The following SYT1 variants were observed in gnomAD, a reference collection of about 807,000 sequenced individuals.
The protein encoded by SYT1 is synaptotagmin 1, also known as synaptotagmin-1.
In SYT1, 8 loss-of-function variants were observed where a neutral mutation model predicts 44.8. The observed-to-expected ratio is 0.18, with a 90% CI of 0.10 to 0.32. SYT1 has a LOEUF of 0.32. Ranked by LOEUF, SYT1 falls within the 10% of genes least tolerant of loss-of-function variation. The pLI, the probability that SYT1 is intolerant of heterozygous loss-of-function variation, is 1.00. For missense variants in SYT1, 286 were observed against 509.3 expected, an observed-to-expected ratio of 0.56 and a Z score of 4.22; for synonymous variants, 154 against 188.8, an observed-to-expected ratio of 0.82 and a Z score of 1.51.
At chr12:79,282,374 G>A (rs1397949500) in intron 4 of SYT1, among the ~76,000 whole-genome samples, 1 of 152,292 alleles carries the variant, frequency 6.6e-6, no homozygotes, top group East Asian at 1.9e-4. Context: ...GATAATATAT[G>A]TGAGATTGAT....
At chr12:79,152,476 G>C (rs915994997) in intron 3 of SYT1, among the ~76,000 whole-genome samples, 4 of 152,114 alleles carry the variant, frequency 2.6e-5, no homozygotes, top group Non-Finnish European at 5.9e-5. Context: ...AGCTATCACG[G>C]AGATTGTTGT....
At chr12:79,372,866 A>C (rs766331828) in intron 9 of SYT1, among the ~76,000 whole-genome samples, 57 of 128,994 alleles carry the variant, frequency 4.4e-4, no homozygotes, top group Admixed American at 1.2e-3. Context: ...TGTGCACCCC[A>C]TCTGAGTTCA....
Position 79,449,343 on chromosome 12 carries a change from C to G in SYT1, c.*219C>G. The G allele has an allele frequency of 5.4e-6, 3 of 556,420 alleles. No homozygotes were observed. The highest frequency in any genetic ancestry group is 9.6e-6 in the Non-Finnish European group (3 of 311,886). The allele number at this position is 556,420 out of a possible 1,614,324, so 34.5% of individuals were successfully genotyped here. Reference sequence around the variant, plus strand: ...CCTCCAAATCTACTCTTCTTTTAAGCAATATGATGTGTAGATAGAGCATGA... The same window carrying G: ...CCTCCAAATCTACTCTTCTTTTAAGGAATATGATGTGTAGATAGAGCATGA... On this transcript the variant is annotated 3_prime_UTR_variant, in exon 11 of 11. Coordinates refer to ENST00000261205, the MANE Select transcript of SYT1 (RefSeq NM_005639.3).
intron 3 of SYT1, among the ~76,000 whole-genome samples, chr12:79,126,089 A>C (rs990051955): frequency 1.3e-5 from 2 of 152,230 alleles, no homozygotes; most frequent in African/African-American, 4.8e-5. Flanking sequence ...GTGATTACTG[A>C]AAAGTGAATA....
At chr12:79,265,703 C>T (rs527599838) in intron 4 of SYT1, among the ~76,000 whole-genome samples, 3 of 152,050 alleles carry the variant, frequency 2.0e-5, no homozygotes, top group African/African-American at 7.2e-5. Flanking sequence ...ATAATGTTAG[C>T]TACTTTAGCT....
chr12:79,087,592 C>A (rs1877469975), intron 3 of SYT1, among the ~76,000 whole-genome samples: 1 of 151,866 alleles, frequency 6.6e-6, no homozygotes, highest in Non-Finnish European at 1.5e-5. Context: ...GCTTTGCAGG[C>A]AAAGAATGAG....
intron 3 of SYT1, among the ~76,000 whole-genome samples, chr12:79,113,130 A>G (rs1251488630): frequency 6.6e-6 from 1 of 152,116 alleles, no homozygotes; most frequent in South Asian, 2.1e-4. Flanking sequence ...AAAAGCAGCC[A>G]TTTTTAGGAT....
chr12:79,280,088 A>G (rs1432876107), intron 4 of SYT1, among the ~76,000 whole-genome samples: 1 of 152,072 alleles, frequency 6.6e-6, no homozygotes, highest in Non-Finnish European at 1.5e-5. Flanking sequence ...TTCGGACTCA[A>G]TATAATTACT....
intron 1 of SYT1, among the ~76,000 whole-genome samples, chr12:78,951,139 T>G (rs1279667650): frequency 6.6e-6 from 1 of 152,120 alleles, no homozygotes; most frequent in Non-Finnish European, 1.5e-5. Flanking sequence ...GGACTAAATC[T>G]TTTTTCCTAA....
At chr12:79,238,638 G>A (rs1467473152) in intron 4 of SYT1, among the ~76,000 whole-genome samples, 2 of 152,216 alleles carry the variant, frequency 1.3e-5, no homozygotes, top group Admixed American at 6.5e-5. Flanking sequence ...GTAGTGAAAA[G>A]AAGGAGATGA....
intron 8 of SYT1, among the ~76,000 whole-genome samples, chr12:79,305,087 A>G (rs1176427934): frequency 6.6e-6 from 1 of 152,196 alleles, no homozygotes; most frequent in African/African-American, 2.4e-5. Context: ...CATGATAGGA[A>G]AAAGCAAATA....
Position 78,907,029 on chromosome 12 carries a change from C to T in SYT1, c.-217+41920C>T, listed in dbSNP as rs140254751. 2.2e-3 allele frequency among the ~76,000 whole-genome samples: 339 copies of T among 152,106 alleles called. 3 individuals carry two copies. The highest frequency in any genetic ancestry group is 7.8e-3 in the African/African-American group (325 of 41,498). On this transcript the variant is annotated intron_variant, in intron 1 of 10. Transcript: ENST00000261205. The stretch of plus-strand genomic sequence containing the variant: ...TTCATGTTGTATTTATTAAAGTGTA[C>T]ATTTATGGCAAAGTGTGTTTAGACA...
At position 79,293,380 on chromosome 12, in the gene SYT1, TAAAA is replaced by T. The variant is rs1565894526; in HGVS notation, c.474+1251_474+1254del. 1.1e-3 allele frequency among the ~76,000 whole-genome samples: 150 copies of T among 135,220 alleles called. 4 individuals are homozygous for T. Among genetic ancestry groups the T allele is most frequent in the East Asian group, 2.1e-3 (10 of 4,842 alleles). 88.7% of individuals were successfully genotyped at this position (135,220 alleles called of 152,430 possible). A position where few individuals can be genotyped will look rare whatever the true frequency, so the allele number is the denominator to read the frequency against. On this transcript the variant is annotated intron_variant, in intron 6 of 10. Coordinates refer to ENST00000261205, the MANE Select transcript of SYT1 (RefSeq NM_005639.3). ...TAAAATAAAATAAAATAAAATAAAA[TAAAA>T]TAAAATAAAATAAAATAAAATAAAA...
At chr12:79,171,344 T>G (rs1473631942) in intron 3 of SYT1, among the ~76,000 whole-genome samples, 1 of 152,118 alleles carries the variant, frequency 6.6e-6, no homozygotes, top group Non-Finnish European at 1.5e-5. Context: ...TTTTTCCATT[T>G]GTTTGTGTCA....
intron 9 of SYT1, among the ~76,000 whole-genome samples, chr12:79,364,503 C>T (rs980037552): frequency 2.0e-5 from 3 of 152,114 alleles, no homozygotes; most frequent in Admixed American, 6.5e-5. Context: ...GGCTGACAGC[C>T]TTTTTAAATT....
At chr12:79,191,674 CT>C (rs1318539287) in intron 3 of SYT1, among the ~76,000 whole-genome samples, 19 of 152,098 alleles carry the variant, frequency 1.2e-4, no homozygotes, top group Admixed American at 3.9e-4. Flanking sequence ...CATTTCTAGA[CT>C]TCAAAAATGC....
chr12:79,180,617 C>T (rs984450591), intron 3 of SYT1, among the ~76,000 whole-genome samples: 35 of 151,870 alleles, frequency 2.3e-4, no homozygotes, highest in African/African-American at 8.2e-4. Flanking sequence ...GAGGAGCAGG[C>T]GTCTCACATG....
At chr12:79,259,934 T>C (rs947144296) in intron 4 of SYT1, among the ~76,000 whole-genome samples, 11 of 152,216 alleles carry the variant, frequency 7.2e-5, no homozygotes, top group African/African-American at 2.7e-4. Flanking sequence ...CACCGTTCCT[T>C]ATTTTTCAGG....
chr12:79,115,220 G>A (rs1879214231), intron 3 of SYT1, among the ~76,000 whole-genome samples: 1 of 152,084 alleles, frequency 6.6e-6, no homozygotes, highest in Admixed American at 6.6e-5. Context: ...TCAAAAACAT[G>A]TCTAGTCCAT....
Sources: gnomAD v4.1 joint callset for allele counts (sites outside exome capture counted in the v4.1 genomes callset) on GRCh38, gnomAD v4.1.1 for gene constraint, MANE v1.5 for transcripts, NCBI Gene and HGNC (gene_info 2026-07-23, HGNC 2026-07-21) for gene names.